The following ZMIZ1 variants were observed in gnomAD, a reference collection of about 807,000 sequenced individuals.
The protein encoded by ZMIZ1 is zinc finger MIZ-type containing 1, also known as zinc finger MIZ domain-containing protein 1.
A neutral mutation model predicts 113.9 loss-of-function variants in ZMIZ1; 17 were observed. The ratio of observed to expected loss-of-function variants is 0.15; its 90% CI spans 0.10 to 0.22. The LOEUF is 0.22. Ranked by LOEUF, ZMIZ1 falls within the 10% of genes least tolerant of loss-of-function variation. The pLI is 1.00. For synonymous variants in ZMIZ1, 607 were observed against 603.1 expected (o/e 1.01, Z -0.09); for missense variants, 1,059 against 1,477.8 (o/e 0.72, Z 4.65).
At chr10:79,248,036 G>A (rs1219791764) in intron 7 of ZMIZ1, among the ~76,000 whole-genome samples, 1 of 152,224 alleles carries the variant, frequency 6.6e-6, no homozygotes, top group Non-Finnish European at 1.5e-5. Flanking sequence ...CAGAGAGGTG[G>A]GGAGAGAGGA....
At chr10:79,302,697 TTTTTTTTTGA>T (rs1287936984) in intron 18 of ZMIZ1, among the ~76,000 whole-genome samples, 2 of 132,414 alleles carry the variant, frequency 1.5e-5, no homozygotes, top group East Asian at 4.4e-4. Context: ...TTTTTTTTTT[TTTTTTTTTGA>T]GAGAGAGAGA....
intron 4 of ZMIZ1, among the ~76,000 whole-genome samples, chr10:79,184,355 C>A (rs1847261163): frequency 1.3e-5 from 2 of 152,212 alleles, no homozygotes; most frequent in Non-Finnish European, 2.9e-5. Flanking sequence ...TGGAGACTGG[C>A]AGGTGTGACT....
chr10:79,229,177 G>A (rs1434137630), intron 7 of ZMIZ1, among the ~76,000 whole-genome samples: 1 of 152,210 alleles, frequency 6.6e-6, no homozygotes, highest in Non-Finnish European at 1.5e-5. Context: ...TCCTCACCCT[G>A]ACAAGGTGCG....
At chr10:79,160,270 G>A (rs574487220) in intron 3 of ZMIZ1, among the ~76,000 whole-genome samples, 213 of 152,272 alleles carry the variant, frequency 1.4e-3, no homozygotes, top group Non-Finnish European at 2.3e-3. Flanking sequence ...CAGAATTTGG[G>A]GGCTGCCAGA....
intron 2 of ZMIZ1, among the ~76,000 whole-genome samples, chr10:79,125,089 C>T (rs564424875): frequency 6.6e-6 from 1 of 152,336 alleles, no homozygotes; most frequent in East Asian, 1.9e-4. Flanking sequence ...TGCTCCACCA[C>T]GGCCTCTTCA....
intron 16 of ZMIZ1, 85 bp from the exon 17 acceptor site, chr10:79,300,647 G>C (rs1180580024): frequency 6.0e-6 from 9 of 1,489,328 alleles, no homozygotes; most frequent in Non-Finnish European, 4.5e-6. Flanking sequence ...GGTGTGTTTA[G>C]AGGTGTGTGA....
chr10:79,221,802 C>T (rs1375671980), intron 7 of ZMIZ1, among the ~76,000 whole-genome samples: 2 of 152,188 alleles, frequency 1.3e-5, no homozygotes, highest in African/African-American at 2.4e-5. Flanking sequence ...GAGCCCAGGG[C>T]CCAGAGAGGG....
chr10:79,221,046 A>G (rs1174828349), intron 7 of ZMIZ1, among the ~76,000 whole-genome samples: 1 of 151,948 alleles, frequency 6.6e-6, no homozygotes, highest in Non-Finnish European at 1.5e-5. Flanking sequence ...GTACATGCCT[A>G]TCTGTGTCTG....
Position 79,175,602 on chromosome 10 carries a change from G to GTA in ZMIZ1, c.-50+13470_-50+13471insAT, listed in dbSNP as rs1383323438. On this transcript the variant is annotated intron_variant, in intron 4 of 24. Coordinates refer to ENST00000334512, the MANE Select transcript of ZMIZ1 (RefSeq NM_020338.4). ...ACTCTGCGTGTGTGTGTGTGTGTGTGTGTGTGTGTGTGTGTGTGTGTGTGT... is the reference window on the plus strand; with the variant it reads ...ACTCTGCGTGTGTGTGTGTGTGTGTGTATGTGTGTGTGTGTGTGTGTGTGTGT... 3.7e-4 allele frequency among the ~76,000 whole-genome samples: 42 copies of GTA among 113,760 alleles called. 1 individual carries two copies. The East Asian group carries it at 4.4e-3, about 12-fold the overall frequency. 74.6% of individuals were successfully genotyped at this position (113,760 alleles called of 152,430 possible). A position where few individuals can be genotyped will look rare whatever the true frequency, so the allele number is the denominator to read the frequency against.
chr10:79,192,185 G>A (rs974005937), intron 4 of ZMIZ1, among the ~76,000 whole-genome samples: 4 of 152,216 alleles, frequency 2.6e-5, no homozygotes, highest in African/African-American at 9.6e-5. Flanking sequence ...AGTGCCATGT[G>A]CCCAGAAAGA....
At chr10:79,148,071 G>A (rs914988961) in intron 3 of ZMIZ1, among the ~76,000 whole-genome samples, 2 of 152,202 alleles carry the variant, frequency 1.3e-5, no homozygotes, top group African/African-American at 4.8e-5. Context: ...GCTTTTTGGG[G>A]CCATGCTTCT....
At chr10:79,100,119 A>C (rs1354560105) in intron 1 of ZMIZ1, among the ~76,000 whole-genome samples, 1 of 152,096 alleles carries the variant, frequency 6.6e-6, no homozygotes, top group African/African-American at 2.4e-5. Context: ...GAGCCTCACT[A>C]GGGAACAAGA....
chr10:79,108,785 C>T (rs774221547), intron 1 of ZMIZ1, among the ~76,000 whole-genome samples: 8 of 152,110 alleles, frequency 5.3e-5, no homozygotes, highest in Non-Finnish European at 1.2e-4. Context: ...CTGTTTTGGA[C>T]GGGCCTAACT....
Position 79,297,674 on chromosome 10 carries a change from A to G in ZMIZ1, c.1475A>G (p.Gln492Arg), listed in dbSNP as rs903480412. ...GGAAGCAGCTACAGTAACTACAGCCAAGGGAATGTCAACAGGGTATGTTCC... is the reference window on the plus strand; with the variant it reads ...GGAAGCAGCTACAGTAACTACAGCCGAGGGAATGTCAACAGGGTATGTTCC... Reference protein sequence around the residue: ...FSGSSYSNYSQGNVNRPPRPV... With the variant: ...FSGSSYSNYSRGNVNRPPRPV... The change falls in exon 14 of 25, where the codon CAA becomes CGA. Residue 492 changes from glutamine (Q) to arginine (R), a missense_variant. Gln to Arg is a conservative substitution (Grantham distance 43, BLOSUM62 1). Coordinates refer to ENST00000334512, the MANE Select transcript of ZMIZ1 (RefSeq NM_020338.4). The G allele has an allele frequency of 1.9e-6, 3 of 1,614,058 alleles. No homozygotes were observed. Among genetic ancestry groups the G allele is most frequent in the Non-Finnish European group, 2.5e-6 (3 of 1,179,910 alleles).
In ZMIZ1 at chr10:79,099,540, G is replaced by A. The variant is rs189702939; in HGVS notation, c.-336-19375G>A. Among the ~76,000 whole-genome samples the A allele has an allele frequency of 2.2e-3, 338 of 152,302 alleles. 2 individuals are homozygous for A. Among genetic ancestry groups the A allele is most frequent in the African/African-American group, 7.7e-3 (322 of 41,566 alleles). ...AGACAGAGGGGCCTGTGCTGCACTGGGAACAGGGAGCGGTGGCCTCTGGGC... is the reference window on the plus strand; with the variant it reads ...AGACAGAGGGGCCTGTGCTGCACTGAGAACAGGGAGCGGTGGCCTCTGGGC... On this transcript the variant is annotated intron_variant, in intron 1 of 24. Transcript: ENST00000334512.
intron 7 of ZMIZ1, among the ~76,000 whole-genome samples, chr10:79,243,999 A>G (rs1444429965): frequency 6.6e-6 from 1 of 152,224 alleles, no homozygotes; most frequent in Non-Finnish European, 1.5e-5. Context: ...GCCCCCACCC[A>G]GGTCCCTGAA....
At chr10:79,134,050 A>G (rs1844887687) in intron 2 of ZMIZ1, among the ~76,000 whole-genome samples, 1 of 152,210 alleles carries the variant, frequency 6.6e-6, no homozygotes, top group African/African-American at 2.4e-5. Flanking sequence ...GCTGTCACAC[A>G]GGATGGCCCT....
chr10:79,310,311 G>A (rs1855039736), intron 23 of ZMIZ1, among the ~76,000 whole-genome samples: 1 of 152,178 alleles, frequency 6.6e-6, no homozygotes, highest in Admixed American at 6.5e-5. Context: ...CTGCTCCTCT[G>A]ACAGCCAAAT....
intron 4 of ZMIZ1, among the ~76,000 whole-genome samples, chr10:79,192,250 G>GCTGGCCC (rs1847637367): frequency 6.6e-6 from 1 of 152,272 alleles, no homozygotes; most frequent in African/African-American, 2.4e-5. Context: ...GGGTCAGTGG[G>GCTGGCCC]CTGGCCCCTT....
Sources: gnomAD v4.1 joint callset for allele counts (sites outside exome capture counted in the v4.1 genomes callset) on GRCh38, gnomAD v4.1.1 for gene constraint, MANE v1.5 for transcripts, NCBI Gene and HGNC (gene_info 2026-07-23, HGNC 2026-07-21) for gene names.